Variants in DACH2 observed in about 807,000 individuals in gnomAD.
DACH2 encodes the protein dachshund family transcription factor 2.
A neutral mutation model predicts 35.8 loss-of-function variants in DACH2; 17 were observed. The observed-to-expected ratio is 0.48, with a 90% CI of 0.33 to 0.71. The LOEUF (loss-of-function observed/expected upper bound fraction) is 0.71, where lower values mean the gene tolerates loss of function less well. Ranked by LOEUF, DACH2 falls within the 30% of genes least tolerant of loss-of-function variation. The pLI is 0.02. For synonymous variants in DACH2, 195 were observed against 177.3 expected, an observed-to-expected ratio of 1.10 and a Z score of -0.79; for missense variants, 469 against 472.7, an observed-to-expected ratio of 0.99 and a Z score of 0.07.
intron 1 of DACH2, among the ~76,000 whole-genome samples, chrX:86,281,370 C>A (rs899390337): frequency 2.7e-5 from 3 of 111,544 alleles, no homozygotes; most frequent in Non-Finnish European, 5.6e-5. Flanking sequence ...AAATGTAATC[C>A]ATCACACGAA....
At chrX:86,698,110 A>G (rs1280888777) in intron 5 of DACH2, among the ~76,000 whole-genome samples, 2 of 111,730 alleles carry the variant, frequency 1.8e-5, no homozygotes, top group Non-Finnish European at 3.8e-5. Context: ...AGAAACAAAG[A>G]TAATAATTAC....
chrX:86,514,502 A>G, intron 3 of DACH2, 111 bp downstream of exon 3: 1 of 724,870 alleles, frequency 1.4e-6, no homozygotes, highest in Non-Finnish European at 1.9e-6. Context: ...AAGCTCTATT[A>G]GAGGTTACAT....
chrX:86,472,234 T>C (rs1019855393), intron 2 of DACH2, among the ~76,000 whole-genome samples: 3 of 111,276 alleles, frequency 2.7e-5, no homozygotes, highest in South Asian at 3.8e-4. Context: ...AAGATCCTTA[T>C]AGAAGAAAGA....
chrX:86,512,542 G>A (rs2038410956), intron 2 of DACH2, among the ~76,000 whole-genome samples: 1 of 111,811 alleles, frequency 8.9e-6, no homozygotes. Flanking sequence ...AGTTCTGGAG[G>A]CAGCCAGTCT....
At chrX:86,418,069 A>G (rs2036739513) in intron 2 of DACH2, among the ~76,000 whole-genome samples, 1 of 112,110 alleles carries the variant, frequency 8.9e-6, no homozygotes, top group Non-Finnish European at 1.9e-5. Context: ...ATTTGACTCC[A>G]TGTCTCACAT....
At chrX:86,256,829 G>C (rs781105873) in intron 1 of DACH2, among the ~76,000 whole-genome samples, 21 of 111,401 alleles carry the variant, frequency 1.9e-4, no homozygotes, top group Non-Finnish European at 3.8e-4. Context: ...TGTGTTTAGA[G>C]ATTAGATCTC....
chrX:86,286,042 C>T (rs1374557838), intron 1 of DACH2, among the ~76,000 whole-genome samples: 3 of 101,920 alleles, frequency 2.9e-5, no homozygotes, highest in Non-Finnish European at 4.0e-5. Flanking sequence ...CTATATGTGT[C>T]TTTATAGGTG....
rs1295762824 is a variant in DACH2, at chrX:86,683,110, T to C, written c.773-11911T>C. Among the ~76,000 whole-genome samples the C allele has an allele frequency of 2.7e-5, 3 of 111,719 alleles. No individual in the cohort carries two copies. The East Asian group carries it at 8.4e-4, about 31-fold the overall frequency. On this transcript the variant is annotated intron_variant, in intron 4 of 11. Transcript: ENST00000373125. ...AATTCTTTCTTTTTTGTGTCTTTCA[T>C]GTTCGTGTTGTATGCTTGCCTCTTT...
chrX:86,817,197 A>C (rs2042461821), intron 11 of DACH2, among the ~76,000 whole-genome samples: 1 of 111,866 alleles, frequency 8.9e-6, no homozygotes, highest in Non-Finnish European at 1.9e-5. Context: ...TTAGGTGTAA[A>C]AGCATGCATG....
intron 1 of DACH2, among the ~76,000 whole-genome samples, chrX:86,361,951 C>T (rs951412798): frequency 9.0e-6 from 1 of 111,074 alleles, no homozygotes; most frequent in African/African-American, 3.3e-5. Flanking sequence ...ATTAACTTAT[C>T]AGTTGTTATT....
intron 1 of DACH2, among the ~76,000 whole-genome samples, chrX:86,156,494 T>G: frequency 9.0e-6 from 1 of 111,544 alleles, no homozygotes; most frequent in Non-Finnish European, 1.9e-5. Context: ...TATAAAACAA[T>G]TTGTAATCAT....
chrX:86,416,532 G>A (rs2036705904), intron 2 of DACH2, among the ~76,000 whole-genome samples: 1 of 111,910 alleles, frequency 8.9e-6, no homozygotes, highest in South Asian at 3.7e-4. Flanking sequence ...TATGAGAGTA[G>A]CAAAAGATGC....
intron 3 of DACH2, among the ~76,000 whole-genome samples, chrX:86,631,005 A>G (rs2040194792): frequency 1.8e-5 from 2 of 112,113 alleles, no homozygotes; most frequent in Admixed American, 1.9e-4. Context: ...AATATAGTCA[A>G]CTTCTAGTGC....
At chrX:86,568,464 T>C (rs1379067705) in intron 3 of DACH2, among the ~76,000 whole-genome samples, 1 of 111,170 alleles carries the variant, frequency 9.0e-6, no homozygotes, top group Non-Finnish European at 1.9e-5. Context: ...ATAAAGTCTA[T>C]TGGAAATCAA....
chrX:86,348,465 G>A (rs1385634736), intron 1 of DACH2, among the ~76,000 whole-genome samples: 4 of 111,558 alleles, frequency 3.6e-5, no homozygotes, highest in Non-Finnish European at 7.5e-5. Context: ...GTCATATGGG[G>A]TGAAAAAGTT....
At chrX:86,445,696 T>G (rs2037259741) in intron 2 of DACH2, among the ~76,000 whole-genome samples, 1 of 110,385 alleles carries the variant, frequency 9.1e-6, no homozygotes, top group South Asian at 3.8e-4. Flanking sequence ...TACTGATTTC[T>G]AGTGTTATGT....
intron 1 of DACH2, among the ~76,000 whole-genome samples, chrX:86,293,309 G>T (rs969640697): frequency 3.6e-5 from 4 of 109,756 alleles, no homozygotes; most frequent in African/African-American, 1.0e-4. Context: ...TTTATTTTGA[G>T]CCTATGTGTC....
chrX:86,711,844 A>C (rs980358758), intron 5 of DACH2, among the ~76,000 whole-genome samples: 2 of 112,077 alleles, frequency 1.8e-5, no homozygotes, highest in African/African-American at 6.5e-5. Flanking sequence ...TAGATTTTAA[A>C]ACTGCCAATG....
chrX:86,386,575 T>C (rs1470644644), intron 2 of DACH2, among the ~76,000 whole-genome samples: 1 of 111,673 alleles, frequency 9.0e-6, no homozygotes, highest in African/African-American at 3.3e-5. Flanking sequence ...TACTTATTTA[T>C]ATCAGCATAG....
Sources: gnomAD v4.1 joint callset for allele counts (sites outside exome capture counted in the v4.1 genomes callset) on GRCh38, gnomAD v4.1.1 for gene constraint, MANE v1.5 for transcripts, NCBI Gene and HGNC (gene_info 2026-07-23, HGNC 2026-07-21) for gene names.